The following RARA variants were observed in gnomAD, a reference collection of about 807,000 sequenced individuals.
RARA encodes the protein retinoic acid receptor alpha.
RARA carries 5 observed loss-of-function variants against 42.8 expected under a neutral mutation model. That is an observed-to-expected ratio of 0.12 (90% CI 0.06 to 0.25). The LOEUF (loss-of-function observed/expected upper bound fraction) is 0.25, where lower values mean the gene tolerates loss of function less well. Among genes scored for constraint, RARA ranks in the 10% least tolerant of loss-of-function variants. The pLI, the probability that RARA is intolerant of heterozygous loss-of-function variation, is 1.00. For synonymous variants in RARA, 256 were observed against 259.5 expected, an observed-to-expected ratio of 0.99 and a Z score of 0.13; for missense variants, 402 against 628.7, an observed-to-expected ratio of 0.64 and a Z score of 3.86.
Position 40,356,152 on chromosome 17 carries a change from C to G in RARA, c.1315C>G (p.Pro439Ala), listed in dbSNP as rs1014673601. Residue 439 changes from proline to alanine, a missense_variant, in exon 9 of 9, where the codon CCC becomes GCC. By Grantham distance (27) the Pro-to-Ala change is conservative (BLOSUM62 -1). Around this residue, in one of 5 missense-constraint regions of RARA, gnomAD observed 73 missense variants for 59.8 expected, o/e 1.22. Transcript: ENST00000254066. ...GGGRDGGGLA[P>A]PPGSCSPSLS... ...GGGGCGGGACGGGGGTGGCCTGGCCCCCCCGCCAGGCAGCTGTAGCCCCAG... is the reference window on the plus strand; with the variant it reads ...GGGGCGGGACGGGGGTGGCCTGGCCGCCCCGCCAGGCAGCTGTAGCCCCAG... 2 of 1,553,910 alleles carry G rather than the reference C, an allele frequency of 1.3e-6. No individual in the cohort carries two copies. The highest frequency in any genetic ancestry group is 2.7e-5 in the African/African-American group (2 of 73,542).
intron 1 of RARA, among the ~76,000 whole-genome samples, chr17:40,314,526 CACA>C (rs1387305916): frequency 2.9e-5 from 4 of 135,752 alleles, no homozygotes; most frequent in Admixed American, 8.2e-5. Flanking sequence ...ACAGGGGTCT[CACA>C]AAACTTGTTG....
At chr17:40,346,522 C>T (rs1340856540) in intron 2 of RARA, among the ~76,000 whole-genome samples, 1 of 151,818 alleles carries the variant, frequency 6.6e-6, no homozygotes, top group African/African-American at 2.4e-5. Context: ...TCCCCTCCCC[C>T]CACCAGTCTG....
chr17:40,341,850 C>A, intron 2 of RARA: 1 of 1,039,662 alleles, frequency 9.6e-7, no homozygotes, highest in Non-Finnish European at 1.2e-6. Flanking sequence ...GGAGGACGCC[C>A]GCCCCTCTTC....
At position 40,355,198 on chromosome 17, in the gene RARA, C is replaced by A. The variant is rs542859196; in HGVS notation, c.1013-65C>A. On this transcript the variant is annotated intron_variant, in intron 7 of 8. Transcript: ENST00000254066. The surrounding 1 kb of genome is among the most constrained non-coding windows in gnomAD (Gnocchi z 4.1). ...CCATGGCCTGGGCAGGCACGCCCCC[C>A]GGTGGCCGAGGCTGGGGGTGCAGCT... 5.7e-5 allele frequency: 85 copies of A among 1,499,754 alleles called. No homozygotes were observed. The highest frequency in any genetic ancestry group is 6.7e-5 in the Non-Finnish European group (75 of 1,117,980). 92.9% of individuals were successfully genotyped at this position (1,499,754 alleles called of 1,614,324 possible). A position where few individuals can be genotyped will look rare whatever the true frequency, so the allele number is the denominator to read the frequency against.
chr17:40,319,043 A>C (rs1193530330), intron 1 of RARA, among the ~76,000 whole-genome samples: 1 of 152,072 alleles, frequency 6.6e-6, no homozygotes, highest in Non-Finnish European at 1.5e-5. Flanking sequence ...GGGTGTGGGA[A>C]CTTTTTGGGG....
intron 2 of RARA, among the ~76,000 whole-genome samples, chr17:40,335,585 G>A (rs967071650): frequency 9.2e-5 from 14 of 152,130 alleles, no homozygotes; most frequent in Non-Finnish European, 2.1e-4. Flanking sequence ...AGCTACTCGG[G>A]AGGCTGAGGC....
chr17:40,356,474 C>A lies in RARA; in HGVS notation c.*248C>A, dbSNP rs942416670. ...CCGAGGCCAGGAACTGAGTGAGGCC[C>A]CTGGTCCTGGGTCTCAGGATGGGTC... is the stretch of plus-strand genomic sequence containing the variant. On this transcript the variant is annotated 3_prime_UTR_variant, in exon 9 of 9. Coordinates refer to ENST00000254066, the MANE Select transcript of RARA (RefSeq NM_000964.4). 1 of 693,658 alleles carries A rather than the reference C, an allele frequency of 1.4e-6. No individual in the cohort carries two copies. The highest frequency in any genetic ancestry group is 2.6e-6 in the Non-Finnish European group (1 of 380,138). 43.0% of individuals were successfully genotyped at this position (693,658 alleles called of 1,614,324 possible).
At chr17:40,350,041 G>A (rs1217525286) in intron 4 of RARA, 116 bp downstream of exon 4, 29 of 1,441,128 alleles carry the variant, frequency 2.0e-5, no homozygotes, top group Non-Finnish European at 2.4e-5. Flanking sequence ...CACGCATGCC[G>A]TGGTGTGCGG....
intron 2 of RARA, chr17:40,348,084 T>G: frequency 2.4e-6 from 1 of 423,916 alleles, no homozygotes; most frequent in Non-Finnish European, 4.2e-6. Flanking sequence ...TCTTTGTGGT[T>G]TTGAAGGTGG....
Position 40,331,067 on chromosome 17 carries a change from C to T in RARA, c.-152C>T. ...TCCAGGAGACTGAGATTAGCCTGCC[C>T]TCTTTGGACAGCAGCTCCAGGACAG... On this transcript the variant is annotated 5_prime_UTR_variant, in exon 2 of 9. Transcript: ENST00000254066. 2.2e-6 allele frequency: 2 copies of T among 898,822 alleles called. No individual in the cohort carries two copies. The highest frequency in any genetic ancestry group is 1.8e-5 in the South Asian group (1 of 56,942). 55.7% of individuals were successfully genotyped at this position (898,822 alleles called of 1,614,324 possible).
chr17:40,336,351 C>T (rs1183973390), intron 2 of RARA, among the ~76,000 whole-genome samples: 1 of 152,134 alleles, frequency 6.6e-6, no homozygotes, highest in East Asian at 1.9e-4. Flanking sequence ...GCTGGGATTA[C>T]AGGTGTGAGC....
At chr17:40,328,631 T>C (rs1284342318) in intron 1 of RARA, among the ~76,000 whole-genome samples, 2 of 152,218 alleles carry the variant, frequency 1.3e-5, no homozygotes, top group African/African-American at 4.8e-5. Flanking sequence ...CAAGTCTGCT[T>C]TCTGTCTCTA....
chr17:40,331,513 GTCT>G (rs1391635133), intron 2 of RARA, 117 bp downstream of exon 2: 1 of 1,230,972 alleles, frequency 8.1e-7, no homozygotes, highest in Non-Finnish European at 1.1e-6. Flanking sequence ...GAGCGACAAG[GTCT>G]TCTCCAGTTG....
chr17:40,341,210 A>C (rs1323314061), intron 2 of RARA: 28 of 719,838 alleles, frequency 3.9e-5, no homozygotes, highest in African/African-American at 5.5e-5. Context: ...TCTTCCTTTT[A>C]TCTCTCCAGA....
intron 4 of RARA, 170 bp downstream of exon 4, chr17:40,350,095 T>C: frequency 9.4e-7 from 1 of 1,060,584 alleles, no homozygotes; most frequent in Non-Finnish European, 1.3e-6. Context: ...AAGGACCTGT[T>C]TGCGAGTCTG....
At chr17:40,344,027 T>TC (rs1475838813) in intron 2 of RARA, among the ~76,000 whole-genome samples, 1 of 151,856 alleles carries the variant, frequency 6.6e-6, no homozygotes, top group Non-Finnish European at 1.5e-5. Flanking sequence ...GGGAAGCTCT[T>TC]CCGTGGAGGA....
intron 2 of RARA, chr17:40,342,825 T>A: frequency 6.2e-7 from 1 of 1,613,030 alleles, no homozygotes; most frequent in Non-Finnish European, 8.5e-7. Context: ...GGGTCCGTAC[T>A]CCACCCCGCT....
chr17:40,313,082 G>A (rs1298595386), intron 1 of RARA, among the ~76,000 whole-genome samples: 1 of 152,196 alleles, frequency 6.6e-6, no homozygotes, highest in Non-Finnish European at 1.5e-5. Flanking sequence ...TCAGAGTTGG[G>A]TTTGTTTGGG....
chr17:40,312,920 T>C (rs917415970), intron 1 of RARA, among the ~76,000 whole-genome samples: 1 of 152,294 alleles, frequency 6.6e-6, no homozygotes, highest in East Asian at 1.9e-4. Context: ...CTCAGTGTGC[T>C]TCCCTTCCCT....
Sources: allele counts gnomAD v4.1 joint callset (sites outside exome capture counted in the v4.1 genomes callset), GRCh38; gene constraint gnomAD v4.1.1; regional missense constraint gnomAD v4.1.1; non-coding constraint Gnocchi (gnomAD v3.1); transcripts MANE v1.5; gene names NCBI Gene and HGNC (gene_info 2026-07-23, HGNC 2026-07-21).